The following MAP4 variants were observed in gnomAD, a reference collection of about 807,000 sequenced individuals.
The protein encoded by MAP4 is microtubule associated protein 4, also known as microtubule-associated protein 4.
A neutral mutation model predicts 170.2 loss-of-function variants in MAP4; 76 were observed. The ratio of observed to expected loss-of-function variants is 0.45; its 90% CI spans 0.37 to 0.54. The LOEUF (loss-of-function observed/expected upper bound fraction) is 0.54, where lower values mean the gene tolerates loss of function less well. Ranked by LOEUF, MAP4 falls within the 20% of genes least tolerant of loss-of-function variation. The pLI is 0.00. For synonymous variants in MAP4, 909 were observed against 994.5 expected, an observed-to-expected ratio of 0.91 and a Z score of 1.62; for missense variants, 2,506 against 2,748.0, an observed-to-expected ratio of 0.91 and a Z score of 1.97.
chr3:47,968,381 T>C (rs1257865582), intron 3 of MAP4, among the ~76,000 whole-genome samples: 1 of 152,142 alleles, frequency 6.6e-6, no homozygotes, highest in African/African-American at 2.4e-5. Context: ...TTGAAAGGGA[T>C]TGAAAGAATA....
At chr3:47,917,321 C>T (rs555145810) in intron 6 of MAP4, 147 bp from the exon 7 acceptor site, 1 of 677,836 alleles carries the variant, frequency 1.5e-6, no homozygotes, top group Non-Finnish European at 2.5e-6. Context: ...GGCACAGTGG[C>T]TCACGCCTGT....
intron 10 of MAP4, among the ~76,000 whole-genome samples, chr3:47,888,551 A>G (rs1282217122): frequency 6.6e-6 from 1 of 152,026 alleles, no homozygotes; most frequent in Non-Finnish European, 1.5e-5. Flanking sequence ...AACCCACCAG[A>G]AGGAAGAAAC....
chr3:47,984,830 G>A (rs1211248697), intron 2 of MAP4, among the ~76,000 whole-genome samples: 2 of 151,932 alleles, frequency 1.3e-5, no homozygotes, highest in Non-Finnish European at 2.9e-5. Context: ...TTAGCCAGGT[G>A]TGGTGGCACG....
At chr3:47,876,088 C>T (rs983256980) in intron 11 of MAP4, among the ~76,000 whole-genome samples, 188 bp from the exon 12 acceptor site, 2 of 151,276 alleles carry the variant, frequency 1.3e-5, no homozygotes, top group Non-Finnish European at 1.5e-5. Context: ...TGGAATGAAA[C>T]CAGGATAGAG....
At chr3:48,061,810 C>G (rs563022715) in intron 1 of MAP4, among the ~76,000 whole-genome samples, 1 of 149,914 alleles carries the variant, frequency 6.7e-6, no homozygotes, top group Non-Finnish European at 1.5e-5. Flanking sequence ...AGCCCCCACC[C>G]GGCCAGCCGC....
chr3:47,959,739 A>T (rs1487306069), intron 3 of MAP4, among the ~76,000 whole-genome samples: 1 of 150,112 alleles, frequency 6.7e-6, no homozygotes, highest in African/African-American at 2.5e-5. Flanking sequence ...ACCCTGGGCG[A>T]CAGAGCGAGA....
intron 1 of MAP4, among the ~76,000 whole-genome samples, chr3:48,046,219 G>A (rs1045451817): frequency 6.6e-6 from 1 of 151,680 alleles, no homozygotes; most frequent in Non-Finnish European, 1.5e-5. Flanking sequence ...TCTCTCTATC[G>A]GTTATCGATT....
intron 3 of MAP4, among the ~76,000 whole-genome samples, chr3:47,958,079 G>C (rs1205871865): frequency 1.3e-5 from 2 of 152,196 alleles, no homozygotes; most frequent in East Asian, 3.8e-4. Context: ...TTACACCACT[G>C]AACCAACAGG....
chr3:47,925,320 T>A (rs1417750699), intron 4 of MAP4, among the ~76,000 whole-genome samples: 2 of 152,096 alleles, frequency 1.3e-5, no homozygotes, highest in Non-Finnish European at 2.9e-5. Flanking sequence ...TCCACTGAAT[T>A]TTTTTTCCTA....
Position 47,910,810 on chromosome 3 carries a change from C to T in MAP4, c.3611G>A (p.Trp1204Ter). ...TCTCTTTTTAGGCTTTTCAGAAATCCAGGGAGCTGCCTCATGATCCTTCCA... is the reference window on the plus strand; with the variant it reads ...TCTCTTTTTAGGCTTTTCAGAAATCTAGGGAGCTGCCTCATGATCCTTCCA... The part of the protein sequence containing the change: ...CPWKDHEAAP[W>*]ISEKPKKRGN... Residue 1204 changes from tryptophan (W) to a stop codon, truncating the protein, a stop_gained, in exon 9 of 21, where the codon TGG becomes TAG. Transcript: ENST00000683076. LOFTEE classifies it high-confidence loss of function. The T allele has an allele frequency of 1.3e-6, 2 of 1,536,012 alleles. No homozygotes were observed. The highest frequency in any genetic ancestry group is 1.7e-6 in the Non-Finnish European group (2 of 1,146,882).
chr3:47,938,545 T>C (rs1014458998), intron 3 of MAP4, among the ~76,000 whole-genome samples: 5 of 152,110 alleles, frequency 3.3e-5, no homozygotes, highest in Non-Finnish European at 7.4e-5. Flanking sequence ...TTCTAATTTA[T>C]TATTGTTATT....
intron 17 of MAP4, among the ~76,000 whole-genome samples, chr3:47,864,439 G>A (rs956972863): frequency 6.6e-5 from 10 of 152,174 alleles, no homozygotes; most frequent in Admixed American, 6.5e-4. Context: ...CACTTTGGGA[G>A]GCCGAGGCGG....
intron 13 of MAP4, among the ~76,000 whole-genome samples, chr3:47,871,617 T>C (rs925738958): frequency 1.3e-5 from 2 of 152,200 alleles, no homozygotes; most frequent in African/African-American, 4.8e-5. Context: ...CACCACGTGC[T>C]AGGTGCTGTG....
intron 3 of MAP4, chr3:47,931,907 G>C (rs1376629001): frequency 2.0e-5 from 3 of 152,006 alleles, no homozygotes; most frequent in Non-Finnish European, 4.4e-5. Context: ...ACTACCTTTG[G>C]ACCAGCCTCT....
In MAP4 at chr3:47,870,268, T is replaced by C. The variant is rs72909690; in HGVS notation, c.6294+545A>G. On this transcript the variant is annotated intron_variant, in intron 15 of 20. Transcript: ENST00000683076. ...ATCCTAAAAGTGAAGCACTGTGATC[T>C]TTCTCCATCACTATATGCAGTGCAG... is the stretch of plus-strand genomic sequence containing the variant. Among the ~76,000 whole-genome samples the C allele has an allele frequency of 2.5e-3, 387 of 152,304 alleles. 2 individuals carry two copies. Among genetic ancestry groups the C allele is most frequent in the African/African-American group, 8.9e-3 (370 of 41,562 alleles).
intron 4 of MAP4, among the ~76,000 whole-genome samples, chr3:47,924,756 A>T (rs935821922): frequency 6.6e-6 from 1 of 152,078 alleles, no homozygotes; most frequent in Non-Finnish European, 1.5e-5. Flanking sequence ...GTGCCTCTCT[A>T]TATCAGCTGG....
chr3:47,887,159 T>C (rs754886356), intron 10 of MAP4, among the ~76,000 whole-genome samples: 6 of 152,230 alleles, frequency 3.9e-5, no homozygotes, highest in Admixed American at 6.5e-5. Flanking sequence ...CTTTCTGGGC[T>C]GGCCAAGGCC....
chr3:47,852,928 T>C lies in MAP4; in HGVS notation c.*6A>G. 1 of 1,612,432 alleles carries C rather than the reference T, an allele frequency of 6.2e-7. No individual in the cohort carries two copies. The highest frequency in any genetic ancestry group is 1.7e-5 in the Admixed American group (1 of 59,888). Reference sequence around the variant, plus strand: ...GGCATTTGCCCGGAACGTCAGCCTGTAGGTCTCAATCTGCAGTGACATGGG... The same window carrying C: ...GGCATTTGCCCGGAACGTCAGCCTGCAGGTCTCAATCTGCAGTGACATGGG... On this transcript the variant is annotated 3_prime_UTR_variant, in exon 21 of 21. Coordinates refer to ENST00000683076, the MANE Select transcript of MAP4 (RefSeq NM_001385682.1).
At chr3:48,068,533 TA>T (rs1272467876) in intron 1 of MAP4, among the ~76,000 whole-genome samples, 1 of 152,172 alleles carries the variant, frequency 6.6e-6, no homozygotes, top group Non-Finnish European at 1.5e-5. Flanking sequence ...CTCACGCCTG[TA>T]ATCCCAGCCC....
Sources: allele counts gnomAD v4.1 joint callset (sites outside exome capture counted in the v4.1 genomes callset), GRCh38; gene constraint gnomAD v4.1.1; transcripts MANE v1.5; gene names NCBI Gene and HGNC (gene_info 2026-07-23, HGNC 2026-07-21).